PBOV1: variants seen among roughly 807,000 people sequenced by gnomAD.
The protein encoded by PBOV1 is prostate and breast cancer overexpressed 1.
For synonymous variants in PBOV1, 46 were observed against 55.9 expected (o/e 0.82, Z 0.79); for missense variants, 147 against 151.4 (o/e 0.97, Z 0.15).
Position 138,218,455 on chromosome 6 carries a change from T to C in PBOV1, c.-60A>G. The C allele has an allele frequency of 6.8e-7, 1 of 1,467,418 alleles. No individual in the cohort carries two copies. The highest frequency in any genetic ancestry group is 9.0e-7 in the Non-Finnish European group (1 of 1,111,296). 90.9% of individuals were successfully genotyped at this position (1,467,418 alleles called of 1,614,324 possible). A position where few individuals can be genotyped will look rare whatever the true frequency, so the allele number is the denominator to read the frequency against. ...CATAGAAGAATAATTTTGTAAATTA[T>C]TATACATCAATTAGCCACCTCGATA... On this transcript the variant is annotated 5_prime_UTR_variant, in exon 1 of 1. Coordinates refer to ENST00000527246, the MANE Select transcript of PBOV1 (RefSeq NM_021635.3).
In PBOV1 at chr6:138,218,354, G is replaced by A. The variant is rs183062454; in HGVS notation, c.42C>T (p.His14=). 24 of 1,548,406 alleles carry A rather than the reference G, an allele frequency of 1.5e-5. No homozygotes were observed. The African/African-American group carries it at 2.9e-4, about 19-fold the overall frequency. Residue 14 remains histidine (H), a synonymous_variant, in exon 1 of 1, where the codon CAC becomes CAT. Transcript: ENST00000527246. ...TGATCTGTAAAATGTGAATAATATT[G>A]TGCATATCCTCATATTTCTGGTTCC... The part of the protein sequence containing the change: ...FLRNQKYEDM[H]NIIHILQIRK...
rs1777913441 is a variant in PBOV1, at chr6:138,218,302, A to T, written c.94T>A (p.Phe32Ile). The change falls in exon 1 of 1, where the codon TTC (phenylalanine) becomes ATC (isoleucine). Residue 32 changes from phenylalanine to isoleucine, a missense_variant. By Grantham distance (21) the Phe-to-Ile change is conservative (BLOSUM62 0). Coordinates refer to ENST00000527246, the MANE Select transcript of PBOV1 (RefSeq NM_021635.3). ...IRKLRHRLSN[F>I]PRLPGILAPE... ...GCTAGAATGCCTGGTAGCCTTGGGAAGTTACTTAATCTGTGCCTCAATTTT... is the reference window on the plus strand; with the variant it reads ...GCTAGAATGCCTGGTAGCCTTGGGATGTTACTTAATCTGTGCCTCAATTTT... The T allele has an allele frequency of 1.3e-6, 2 of 1,581,242 alleles. No homozygotes were observed. Among genetic ancestry groups the T allele is most frequent in the African/African-American group, 1.3e-5 (1 of 74,212 alleles).
Position 138,217,829 on chromosome 6 carries a change from G to C in PBOV1, c.*159C>G, listed in dbSNP as rs925883309. 1 of 1,031,550 alleles carries C rather than the reference G, an allele frequency of 9.7e-7. No individual in the cohort carries two copies. The highest frequency in any genetic ancestry group is 3.3e-5 in the Admixed American group (1 of 30,020). The allele number at this position is 1,031,550 out of a possible 1,614,324, so 63.9% of individuals were successfully genotyped here. A position where few individuals can be genotyped will look rare whatever the true frequency, so the allele number is the denominator to read the frequency against. ...AAGATCAACATGGGTTTGTATTTTA[G>C]AATTGAAATAACCTCCTACATCATC... On this transcript the variant is annotated 3_prime_UTR_variant, in exon 1 of 1. Coordinates refer to ENST00000527246, the MANE Select transcript of PBOV1 (RefSeq NM_021635.3).
In PBOV1 at chr6:138,218,363, C is replaced by G; in HGVS notation, c.33G>C (p.Glu11Asp). Residue 11 changes from glutamate (E) to aspartate (D), a missense_variant, in exon 1 of 1, where the codon GAG becomes GAC. Physicochemically the swap from Glu to Asp is conservative, Grantham distance 45. Coordinates refer to ENST00000527246, the MANE Select transcript of PBOV1 (RefSeq NM_021635.3). Reference protein sequence around the residue: MRAFLRNQKYEDMHNIIHILQ... With the variant: MRAFLRNQKYDDMHNIIHILQ... ...AAATGTGAATAATATTGTGCATATC[C>G]TCATATTTCTGGTTCCTTAAGAAGG... is the stretch of plus-strand genomic sequence containing the variant. 1.3e-6 allele frequency: 2 copies of G among 1,545,698 alleles called. No homozygotes were observed. Among genetic ancestry groups the G allele is most frequent in the South Asian group, 1.2e-5 (1 of 82,592 alleles).
Position 138,216,283 on chromosome 6 carries a change from TTA to T in PBOV1, c.*1703_*1704del, listed in dbSNP as rs773318356. On this transcript the variant is annotated 3_prime_UTR_variant, in exon 1 of 1. Coordinates refer to ENST00000527246, the MANE Select transcript of PBOV1 (RefSeq NM_021635.3). The stretch of plus-strand genomic sequence containing the variant: ...GCCACCGTGCCTGGCCGGGGTATTT[TTA>T]TATAACAAACGCCTAGTAAACATCT... 2 of 152,198 alleles carry T rather than the reference TTA, an allele frequency of 1.3e-5. No homozygotes were observed. The highest frequency in any genetic ancestry group is 2.9e-5 in the Non-Finnish European group (2 of 68,066). 9.4% of individuals were successfully genotyped at this position (152,198 alleles called of 1,614,324 possible).
At position 138,217,990 on chromosome 6, in the gene PBOV1, A is replaced by G. The variant is rs1331174134; in HGVS notation, c.406T>C (p.Ter136GlnextTer16). The G allele has an allele frequency of 9.3e-6, 15 of 1,604,492 alleles. No homozygotes were observed. Among genetic ancestry groups the G allele is most frequent in the Non-Finnish European group, 1.3e-5 (15 of 1,173,924 alleles). ...LSKTIHPQII[*>Q] is the part of the protein sequence containing the mutation. ...GGCTTTGCAGCAGGGCTGAGAGTTT[A>G]TATGATCTGTGGATGTATAGTTTTG... Residue 136 changes from the stop codon to glutamine, a stop_lost, in exon 1 of 1, where the codon TAA becomes CAA. Coordinates refer to ENST00000527246, the MANE Select transcript of PBOV1 (RefSeq NM_021635.3).
chr6:138,217,666 G>A lies in PBOV1; in HGVS notation c.*322C>T, dbSNP rs41289771. 2.0e-5 allele frequency: 5 copies of A among 244,138 alleles called. No individual in the cohort carries two copies. Among genetic ancestry groups the A allele is most frequent in the Non-Finnish European group, 3.9e-5 (5 of 128,072 alleles). 15.1% of individuals were successfully genotyped at this position (244,138 alleles called of 1,614,324 possible). A position where few individuals can be genotyped will look rare whatever the true frequency, so the allele number is the denominator to read the frequency against. On this transcript the variant is annotated 3_prime_UTR_variant, in exon 1 of 1. Coordinates refer to ENST00000527246, the MANE Select transcript of PBOV1 (RefSeq NM_021635.3). ...TGCCTAGCGGAGCATCTGGCACATG[G>A]CTTACTAATTGCTCGTTAGTTTAGT...
Position 138,218,470 on chromosome 6 carries a change from C to G in PBOV1, c.-75G>C, listed in dbSNP as rs1277648184. 3 of 1,458,372 alleles carry G rather than the reference C, an allele frequency of 2.1e-6. No homozygotes were observed. The highest frequency in any genetic ancestry group is 2.7e-6 in the Non-Finnish European group (3 of 1,106,710). The allele number at this position is 1,458,372 out of a possible 1,614,324, so 90.3% of individuals were successfully genotyped here. A position where few individuals can be genotyped will look rare whatever the true frequency, so the allele number is the denominator to read the frequency against. On this transcript the variant is annotated 5_prime_UTR_variant, in exon 1 of 1. Coordinates refer to ENST00000527246, the MANE Select transcript of PBOV1 (RefSeq NM_021635.3). The stretch of plus-strand genomic sequence containing the variant: ...TTGTAAATTATTATACATCAATTAG[C>G]CACCTCGATATATTTAAGGTCCTAA...
At position 138,218,465 on chromosome 6, in the gene PBOV1, A is replaced by G. The variant is rs1229686014; in HGVS notation, c.-70T>C. On this transcript the variant is annotated 5_prime_UTR_variant, in exon 1 of 1. Coordinates refer to ENST00000527246, the MANE Select transcript of PBOV1 (RefSeq NM_021635.3). Reference sequence around the variant, plus strand: ...TAATTTTGTAAATTATTATACATCAATTAGCCACCTCGATATATTTAAGGT... The same window carrying G: ...TAATTTTGTAAATTATTATACATCAGTTAGCCACCTCGATATATTTAAGGT... 22 of 1,461,016 alleles carry G rather than the reference A, an allele frequency of 1.5e-5. No homozygotes were observed. Among genetic ancestry groups the G allele is most frequent in the South Asian group, 4.5e-5 (3 of 66,276 alleles). The allele number at this position is 1,461,016 out of a possible 1,614,324, so 90.5% of individuals were successfully genotyped here.
At position 138,216,296 on chromosome 6, in the gene PBOV1, G is replaced by A. The variant is rs577773607; in HGVS notation, c.*1692C>T. 1 of 152,216 alleles carries A rather than the reference G, an allele frequency of 6.6e-6. No individual in the cohort carries two copies. Among genetic ancestry groups the A allele is most frequent in the South Asian group, 2.1e-4 (1 of 4,814 alleles). The allele number at this position is 152,216 out of a possible 1,614,324, so 9.4% of individuals were successfully genotyped here. A position where few individuals can be genotyped will look rare whatever the true frequency, so the allele number is the denominator to read the frequency against. The stretch of plus-strand genomic sequence containing the variant: ...GCCGGGGTATTTTTATATAACAAAC[G>A]CCTAGTAAACATCTATAGAAAATAC... On this transcript the variant is annotated 3_prime_UTR_variant, in exon 1 of 1. Coordinates refer to ENST00000527246, the MANE Select transcript of PBOV1 (RefSeq NM_021635.3).
At position 138,217,427 on chromosome 6, in the gene PBOV1, AAC is replaced by A. The variant is rs1777891073; in HGVS notation, c.*559_*560del. 6.6e-6 allele frequency: 1 copy of A among 152,344 alleles called. No individual in the cohort carries two copies. Among genetic ancestry groups the A allele is most frequent in the African/African-American group, 2.4e-5 (1 of 41,458 alleles). The allele number at this position is 152,344 out of a possible 1,614,324, so 9.4% of individuals were successfully genotyped here. Reference sequence around the variant, plus strand: ...AGTGAAGAAAACAAAACCAAAGAAAAACACAATCTGTGTTTGGAGGCCAATGA... The same window carrying A: ...AGTGAAGAAAACAAAACCAAAGAAAAACAATCTGTGTTTGGAGGCCAATGA... On this transcript the variant is annotated 3_prime_UTR_variant, in exon 1 of 1. Coordinates refer to ENST00000527246, the MANE Select transcript of PBOV1 (RefSeq NM_021635.3).
In PBOV1 at chr6:138,218,459, A is replaced by G. The variant is rs1039991194; in HGVS notation, c.-64T>C. 1 of 1,464,720 alleles carries G rather than the reference A, an allele frequency of 6.8e-7. No homozygotes were observed. Among genetic ancestry groups the G allele is most frequent in the African/African-American group, 1.4e-5 (1 of 69,916 alleles). 90.7% of individuals were successfully genotyped at this position (1,464,720 alleles called of 1,614,324 possible). A position where few individuals can be genotyped will look rare whatever the true frequency, so the allele number is the denominator to read the frequency against. On this transcript the variant is annotated 5_prime_UTR_variant, in exon 1 of 1. Coordinates refer to ENST00000527246, the MANE Select transcript of PBOV1 (RefSeq NM_021635.3). ...GAAGAATAATTTTGTAAATTATTAT[A>G]CATCAATTAGCCACCTCGATATATT... is the stretch of plus-strand genomic sequence containing the variant.
rs1777908979 is a variant in PBOV1 at position 138,218,136 on chromosome 6, T to A, written c.260A>T (p.His87Leu). ...HHAILTPLQTHLTMKGSSMKC... is the reference protein window; with the variant it reads ...HHAILTPLQTLLTMKGSSMKC... The stretch of plus-strand genomic sequence containing the variant: ...CATTGAGGAACCTTTCATGGTCAAG[T>A]GTGTCTGCAAGGGTGTGAGAATTGC... The change falls in exon 1 of 1, where the codon CAC (histidine) becomes CTC (leucine). Residue 87 changes from histidine (H) to leucine (L), a missense_variant. Transcript: ENST00000527246. 3 of 1,613,864 alleles carry A rather than the reference T, an allele frequency of 1.9e-6. No individual in the cohort carries two copies.
rs1159195690 is a variant in PBOV1, at chr6:138,216,997, C to A, written c.*991G>T. 6.6e-6 allele frequency: 1 copy of A among 152,202 alleles called. No individual in the cohort carries two copies. Among genetic ancestry groups the A allele is most frequent in the Non-Finnish European group, 1.5e-5 (1 of 68,026 alleles). The allele number at this position is 152,202 out of a possible 1,614,324, so 9.4% of individuals were successfully genotyped here. A position where few individuals can be genotyped will look rare whatever the true frequency, so the allele number is the denominator to read the frequency against. On this transcript the variant is annotated 3_prime_UTR_variant, in exon 1 of 1. Transcript: ENST00000527246. ...AATATAATTCTTACTGAGTTTTCCT[C>A]CCATCTTTCTTTACCCTTTGATATG...
Position 138,217,654 on chromosome 6 carries a change from A to G in PBOV1, c.*334T>C, listed in dbSNP as rs1777895774. 1 of 228,428 alleles carries G rather than the reference A, an allele frequency of 4.4e-6. No homozygotes were observed. The highest frequency in any genetic ancestry group is 8.5e-6 in the Non-Finnish European group (1 of 117,848). 14.2% of individuals were successfully genotyped at this position (228,428 alleles called of 1,614,324 possible). ...TTATCCCTCTGGTGCCTAGCGGAGC[A>G]TCTGGCACATGGCTTACTAATTGCT... On this transcript the variant is annotated 3_prime_UTR_variant, in exon 1 of 1. Transcript: ENST00000527246.
rs1777871310 is a variant in PBOV1 at position 138,216,733 on chromosome 6, T to A, written c.*1255A>T. ...GAAGCCATTGAGACCCTTCAGAAGA[T>A]TTGTAGCAATCTCTAGCGTTAAGGA... On this transcript the variant is annotated 3_prime_UTR_variant, in exon 1 of 1. Transcript: ENST00000527246. 6.6e-6 allele frequency: 1 copy of A among 152,192 alleles called. No homozygotes were observed. The highest frequency in any genetic ancestry group is 1.5e-5 in the Non-Finnish European group (1 of 68,028). The allele number at this position is 152,192 out of a possible 1,614,324, so 9.4% of individuals were successfully genotyped here. A position where few individuals can be genotyped will look rare whatever the true frequency, so the allele number is the denominator to read the frequency against.
rs1777905295 is a variant in PBOV1 at position 138,218,019 on chromosome 6, A to G, written c.377T>C (p.Leu126Ser). 6.2e-7 allele frequency: 1 copy of G among 1,612,390 alleles called. No individual in the cohort carries two copies. The highest frequency in any genetic ancestry group is 8.5e-7 in the Non-Finnish European group (1 of 1,179,156). Residue 126 changes from leucine (L) to serine (S), a missense_variant, in exon 1 of 1, where the codon TTA becomes TCA. Coordinates refer to ENST00000527246, the MANE Select transcript of PBOV1 (RefSeq NM_021635.3). The part of the protein sequence containing the change: ...TLGLECCLLY[L>S]SKTIHPQII ...GATCTGTGGATGTATAGTTTTGGAT[A>G]AGTAGAGAAGACAGCATTCCAGACC... is the stretch of plus-strand genomic sequence containing the variant.
rs1199145213 is a variant in PBOV1, at chr6:138,218,451, A to G, written c.-56T>C. On this transcript the variant is annotated 5_prime_UTR_variant, in exon 1 of 1. Transcript: ENST00000527246. ...GTAGCATAGAAGAATAATTTTGTAAATTATTATACATCAATTAGCCACCTC... is the reference window on the plus strand; with the variant it reads ...GTAGCATAGAAGAATAATTTTGTAAGTTATTATACATCAATTAGCCACCTC... The G allele has an allele frequency of 6.8e-7, 1 of 1,468,124 alleles. No individual in the cohort carries two copies. Among genetic ancestry groups the G allele is most frequent in the Non-Finnish European group, 9.0e-7 (1 of 1,111,680 alleles). The allele number at this position is 1,468,124 out of a possible 1,614,324, so 90.9% of individuals were successfully genotyped here.
At position 138,217,961 on chromosome 6, in the gene PBOV1, G is replaced by T; in HGVS notation, c.*27C>A. On this transcript the variant is annotated 3_prime_UTR_variant, in exon 1 of 1. Transcript: ENST00000527246. Reference sequence around the variant, plus strand: ...CTTTTCAACCATTTTTATTTTTCTGGAAAGGCTTTGCAGCAGGGCTGAGAG... The same window carrying T: ...CTTTTCAACCATTTTTATTTTTCTGTAAAGGCTTTGCAGCAGGGCTGAGAG... 6.4e-7 allele frequency: 1 copy of T among 1,559,506 alleles called. No individual in the cohort carries two copies.
Sources: allele counts gnomAD v4.1 joint callset, GRCh38; gene constraint gnomAD v4.1.1; transcripts MANE v1.5; gene names NCBI Gene and HGNC (gene_info 2026-07-23, HGNC 2026-07-21).